The following HS3ST6 variants were observed in gnomAD, a reference collection of about 807,000 sequenced individuals.
The protein encoded by HS3ST6 is heparan sulfate-glucosamine 3-sulfotransferase 6, also known as heparan sulfate glucosamine 3-O-sulfotransferase 6.
In HS3ST6, 13 loss-of-function variants were observed where a neutral mutation model predicts 11.0. That is an observed-to-expected ratio of 1.18 (90% CI 0.77 to 1.88). The LOEUF is 1.88. HS3ST6 is among the 40% of genes most tolerant of loss of function. HS3ST6 has a pLI of 0.00. For missense variants in HS3ST6, 541 were observed against 494.4 expected, an observed-to-expected ratio of 1.09 and a Z score of -0.89; for synonymous variants, 232 against 230.6, an observed-to-expected ratio of 1.01 and a Z score of -0.06.
chr16:1,914,455 G>A (rs1171045172), intron 1 of HS3ST6, among the ~76,000 whole-genome samples: 2 of 152,202 alleles, frequency 1.3e-5, no homozygotes, highest in African/African-American at 2.4e-5. Context: ...CAGGCCTCAT[G>A]AGAAGTCACT....
rs547747387 is a variant in HS3ST6, at chr16:1,912,886, G to A, written c.414-681C>T. 6.6e-6 allele frequency among the ~76,000 whole-genome samples: 1 copy of A among 152,286 alleles called. No homozygotes were observed. Among genetic ancestry groups the A allele is most frequent in the South Asian group, 2.1e-4 (1 of 4,818 alleles). ...GGCTCACTGCAACCTCTGCCTCCCG[G>A]GTTCAAGCGATTTTCCTGCCTCAGC... On this transcript the variant is annotated intron_variant, in intron 1 of 1. Coordinates refer to ENST00000454677, the MANE Select transcript of HS3ST6 (RefSeq NM_001009606.4). This position sits in a 1 kb window ranked among gnomAD's most constrained non-coding sequence, Gnocchi z 5.6.
In HS3ST6 at chr16:1,918,166, G is replaced by C; in HGVS notation, c.158C>G (p.Pro53Arg). ...GGCCGGCGCGGGGGCGCGGGCGGCC[G>C]GCGGGCAGCGGCCGGGGAGGGCGCA... is the stretch of plus-strand genomic sequence containing the variant. ...CLCALPGRCP[P>R]AARAPAPAPA... is the part of the protein sequence containing the mutation. Residue 53 changes from proline (P) to arginine (R), a missense_variant, in exon 1 of 2, where the codon CCG (proline) becomes CGG (arginine). By Grantham distance (103) the Pro-to-Arg change is moderately radical. Coordinates refer to ENST00000454677, the MANE Select transcript of HS3ST6 (RefSeq NM_001009606.4). The surrounding 1 kb of genome is among the most constrained non-coding windows in gnomAD (Gnocchi z 6.0). 2.7e-6 allele frequency: 3 copies of C among 1,120,170 alleles called. No homozygotes were observed. The highest frequency in any genetic ancestry group is 3.3e-6 in the Non-Finnish European group (3 of 918,912). 69.4% of individuals were successfully genotyped at this position (1,120,170 alleles called of 1,614,324 possible).
Position 1,912,145 on chromosome 16 carries a change from G to A in HS3ST6, c.474C>T (p.Phe158=), listed in dbSNP as rs368474635. 185 of 1,492,858 alleles carry A rather than the reference G, an allele frequency of 1.2e-4. No individual in the cohort carries two copies. The highest frequency in any genetic ancestry group is 2.4e-4 in the South Asian group (17 of 71,492). The allele number at this position is 1,492,858 out of a possible 1,614,324, so 92.5% of individuals were successfully genotyped here. ...QITMEKTPSY[F]VTREAPRRIH... ...TGCGGCGGGGGGCCTCTCGCGTCAC[G>A]AAGTAGCTGGGGGTCTTCTCCATGG... is the stretch of plus-strand genomic sequence containing the variant. The change falls in exon 2 of 2, where the codon TTC becomes TTT. Residue 158 remains phenylalanine, a synonymous_variant. Coordinates refer to ENST00000454677, the MANE Select transcript of HS3ST6 (RefSeq NM_001009606.4). The surrounding 1 kb of genome is among the most constrained non-coding windows in gnomAD (Gnocchi z 5.6).
upstream of HS3ST6, among the ~76,000 whole-genome samples, chr16:1,920,034 T>A (rs1420420222): frequency 6.8e-6 from 1 of 147,686 alleles, no homozygotes; most frequent in African/African-American, 2.5e-5. Context: ...GTCTCAGGAG[T>A]CCTCACGGTC....
At chr16:1,918,934 C>G (rs2082946342), upstream of HS3ST6, among the ~76,000 whole-genome samples, 1 of 152,276 alleles carries the variant, frequency 6.6e-6, no homozygotes, top group Non-Finnish European at 1.5e-5. The surrounding 1 kb of genome is among the most constrained non-coding windows in gnomAD (Gnocchi z 6.0). Flanking sequence ...GATCCCAGAA[C>G]GTGTGGGGGG....
chr16:1,911,943 C>G lies in HS3ST6; in HGVS notation c.676G>C (p.Gly226Arg). 1 of 1,585,806 alleles carries G rather than the reference C, an allele frequency of 6.3e-7. No homozygotes were observed. Among genetic ancestry groups the G allele is most frequent in the South Asian group, 1.2e-5 (1 of 86,786 alleles). The change falls in exon 2 of 2, where the codon GGC (glycine) becomes CGC (arginine). Residue 226 changes from glycine to arginine, a missense_variant. Coordinates refer to ENST00000454677, the MANE Select transcript of HS3ST6 (RefSeq NM_001009606.4). The part of the protein sequence containing the change: ...VDTAWSAVRI[G>R]LYAQHLDHWL... ...TGGTCCAGGTGCTGGGCGTACAGGCCGATGCGGACGGCGCTCCAGGCTGTG... is the reference window on the plus strand; with the variant it reads ...TGGTCCAGGTGCTGGGCGTACAGGCGGATGCGGACGGCGCTCCAGGCTGTG...
Position 1,912,118 on chromosome 16 carries a change from G to A in HS3ST6, c.501C>T (p.Ile167=). 1 of 1,503,664 alleles carries A rather than the reference G, an allele frequency of 6.7e-7. No individual in the cohort carries two copies. The highest frequency in any genetic ancestry group is 1.4e-5 in the African/African-American group (1 of 70,778). The allele number at this position is 1,503,664 out of a possible 1,614,324, so 93.1% of individuals were successfully genotyped here. A position where few individuals can be genotyped will look rare whatever the true frequency, so the allele number is the denominator to read the frequency against. Residue 167 remains isoleucine (I), a synonymous_variant, in exon 2 of 2, where the codon ATC becomes ATT. Coordinates refer to ENST00000454677, the MANE Select transcript of HS3ST6 (RefSeq NM_001009606.4). The surrounding 1 kb of genome is among the most constrained non-coding windows in gnomAD (Gnocchi z 5.6). ...GCTTCGTGTCCGGGGACATGGCGTG[G>A]ATGCGGCGGGGGGCCTCTCGCGTCA... ...YFVTREAPRR[I]HAMSPDTKLI...
At chr16:1,914,205 C>G (rs996555005) in intron 1 of HS3ST6, among the ~76,000 whole-genome samples, 1 of 152,160 alleles carries the variant, frequency 6.6e-6, no homozygotes, top group African/African-American at 2.4e-5. Flanking sequence ...AGTCCCAGAG[C>G]CCCTGCACTC....
upstream of HS3ST6, among the ~76,000 whole-genome samples, chr16:1,920,023 G>A (rs536106448): frequency 6.6e-5 from 10 of 151,868 alleles, no homozygotes; most frequent in African/African-American, 1.2e-4. Flanking sequence ...CAGTCCCCAC[G>A]GTCTCAGGAG....
rs111617247 is a variant in HS3ST6, at chr16:1,914,917, G to A, written c.414-2712C>T. ...GGGAGAGGAGCAGGACTGGACCCCC[G>A]TGTGACAAACATCTGACAAGTTGCT... On this transcript the variant is annotated intron_variant, in intron 1 of 1. Coordinates refer to ENST00000454677, the MANE Select transcript of HS3ST6 (RefSeq NM_001009606.4). 3.9e-3 allele frequency among the ~76,000 whole-genome samples: 588 copies of A among 152,250 alleles called. 5 individuals carry two copies. The highest frequency in any genetic ancestry group is 0.014 in the African/African-American group (574 of 41,560).
chr16:1,912,571 C>G lies in HS3ST6; in HGVS notation c.414-366G>C, dbSNP rs1200665633. Among the ~76,000 whole-genome samples, 1 of 152,134 alleles carries G rather than the reference C, an allele frequency of 6.6e-6. No individual in the cohort carries two copies. The highest frequency in any genetic ancestry group is 1.5e-5 in the Non-Finnish European group (1 of 68,028). On this transcript the variant is annotated intron_variant, in intron 1 of 1. Coordinates refer to ENST00000454677, the MANE Select transcript of HS3ST6 (RefSeq NM_001009606.4). The surrounding 1 kb of genome is among the most constrained non-coding windows in gnomAD (Gnocchi z 5.6). ...CGCTTCCAGAGCCAGCTCCCTCCCA[C>G]CGGACCCACACTTTCCTGGAACTAG...
chr16:1,911,547 G>A lies in HS3ST6; in HGVS notation c.*43C>T, dbSNP rs775970195. 43 of 1,525,668 alleles carry A rather than the reference G, an allele frequency of 2.8e-5. No homozygotes were observed. The highest frequency in any genetic ancestry group is 1.2e-4 in the South Asian group (10 of 80,532). The allele number at this position is 1,525,668 out of a possible 1,614,324, so 94.5% of individuals were successfully genotyped here. ...TGCACGCAGCCCGCTCTGGCCAGGC[G>A]AGCGGGTGTCAATCAAGGTGCTGAG... On this transcript the variant is annotated 3_prime_UTR_variant, in exon 2 of 2. Transcript: ENST00000454677.
intron 1 of HS3ST6, among the ~76,000 whole-genome samples, chr16:1,914,514 C>T (rs1216458297): frequency 1.3e-5 from 2 of 152,210 alleles, no homozygotes; most frequent in African/African-American, 4.8e-5. Context: ...CCTTCCCTCC[C>T]GTCTCGGGCA....
upstream of HS3ST6, among the ~76,000 whole-genome samples, chr16:1,920,175 C>A (rs34353730): frequency 0.075 from 5,145 of 69,014 alleles, 57 homozygotes; most frequent in South Asian, 0.14. Context: ...CGGTCTCAGC[C>A]GTCCCCACGG....
intron 1 of HS3ST6, among the ~76,000 whole-genome samples, chr16:1,914,973 A>G (rs1328512645): frequency 1.3e-5 from 2 of 151,948 alleles, no homozygotes; most frequent in Non-Finnish European, 2.9e-5. Flanking sequence ...TGTGGAGCCC[A>G]CCTCATCTGG....
In HS3ST6 at chr16:1,918,034, C is replaced by A; in HGVS notation, c.290G>T (p.Gly97Val). 1 of 1,527,982 alleles carries A rather than the reference C, an allele frequency of 6.5e-7. No individual in the cohort carries two copies. Among genetic ancestry groups the A allele is most frequent in the Non-Finnish European group, 8.7e-7 (1 of 1,145,110 alleles). 94.7% of individuals were successfully genotyped at this position (1,527,982 alleles called of 1,614,324 possible). The change falls in exon 1 of 2, where the codon GGC becomes GTC. Residue 97 changes from glycine (G) to valine (V), a missense_variant. Gly to Val is a moderately radical substitution (Grantham distance 109). Coordinates refer to ENST00000454677, the MANE Select transcript of HS3ST6 (RefSeq NM_001009606.4). This position sits in a 1 kb window ranked among gnomAD's most constrained non-coding sequence, Gnocchi z 6.0. ...RRRFPQALIVGVKKGGTRALL... is the reference protein window; with the variant it reads ...RRRFPQALIVVVKKGGTRALL... ...GGCGCGCGTGCCGCCCTTCTTCACGCCAACGATGAGCGCTTGCGGGAAGCG... is the reference window on the plus strand; with the variant it reads ...GGCGCGCGTGCCGCCCTTCTTCACGACAACGATGAGCGCTTGCGGGAAGCG...
chr16:1,920,504 A>G (rs1168676214), upstream of HS3ST6, among the ~76,000 whole-genome samples: 1 of 151,792 alleles, frequency 6.6e-6, no homozygotes, highest in Admixed American at 6.6e-5. Context: ...TTGAAATTCC[A>G]GCACTGGTTC....
At position 1,918,149 on chromosome 16, in the gene HS3ST6, C is replaced by T; in HGVS notation, c.175G>A (p.Ala59Thr). 1 of 1,172,736 alleles carries T rather than the reference C, an allele frequency of 8.5e-7. No homozygotes were observed. Among genetic ancestry groups the T allele is most frequent in the Non-Finnish European group, 1.1e-6 (1 of 951,160 alleles). The allele number at this position is 1,172,736 out of a possible 1,614,324, so 72.6% of individuals were successfully genotyped here. A position where few individuals can be genotyped will look rare whatever the true frequency, so the allele number is the denominator to read the frequency against. Reference sequence around the variant, plus strand: ...GGCTCGGAGGGCGCGGGGGCCGGCGCGGGGGCGCGGGCGGCCGGCGGGCAG... The same window carrying T: ...GGCTCGGAGGGCGCGGGGGCCGGCGTGGGGGCGCGGGCGGCCGGCGGGCAG... The part of the protein sequence containing the change: ...GRCPPAARAP[A>T]PAPAPSEPSS... Residue 59 changes from alanine to threonine, a missense_variant, in exon 1 of 2, where the codon GCG (alanine) becomes ACG (threonine). Coordinates refer to ENST00000454677, the MANE Select transcript of HS3ST6 (RefSeq NM_001009606.4). The surrounding 1 kb of genome is among the most constrained non-coding windows in gnomAD (Gnocchi z 6.0).
Position 1,911,629 on chromosome 16 carries a change from C to T in HS3ST6, c.990G>A (p.Arg330=), listed in dbSNP as rs200725241. Residue 330 remains arginine (R), a synonymous_variant, in exon 2 of 2, where the codon AGG becomes AGA. Transcript: ENST00000454677. ...AGTCCTGGCCCGTCATCTGGTAGAACCTGCGGTTGAAGGGCCGGTAGAACT... is the reference window on the plus strand; with the variant it reads ...AGTCCTGGCCCGTCATCTGGTAGAATCTGCGGTTGAAGGGCCGGTAGAACT... ...LQEFYRPFNR[R]FYQMTGQDFG... 16 of 1,608,772 alleles carry T rather than the reference C, an allele frequency of 9.9e-6. No individual in the cohort carries two copies. Among genetic ancestry groups the T allele is most frequent in the Non-Finnish European group, 1.3e-5 (15 of 1,177,850 alleles).
Sources: gnomAD v4.1 joint callset for allele counts (sites outside exome capture counted in the v4.1 genomes callset) on GRCh38, gnomAD v4.1.1 for gene constraint, Gnocchi (gnomAD v3.1) non-coding constraint, MANE v1.5 for transcripts, NCBI Gene and HGNC (gene_info 2026-07-23, HGNC 2026-07-21) for gene names.